Variants in PCDHGA4 observed in about 807,000 individuals in gnomAD.
PCDHGA4 encodes protocadherin gamma-A4.
In PCDHGA4, 38 loss-of-function variants were observed where a neutral mutation model predicts 54.6. The ratio of observed to expected loss-of-function variants is 0.70; its 90% CI spans 0.54 to 0.91. The LOEUF (loss-of-function observed/expected upper bound fraction) is 0.91. Among genes scored for constraint, PCDHGA4 ranks in the 40% least tolerant of loss-of-function variants. The probability of loss-of-function intolerance (pLI) is 0.00; values close to 1 mark genes in which losing one functional copy is unlikely to be tolerated. For missense variants in PCDHGA4, 1,298 were observed against 1,220.9 expected (o/e 1.06, Z -0.94); for synonymous variants, 511 against 512.9 (o/e 1.00, Z 0.05).
chr5:141,421,784 G>C, intron 1 of PCDHGA4: 1 of 1,613,874 alleles, frequency 6.2e-7, no homozygotes, highest in Non-Finnish European at 8.5e-7. Context: ...CTGCGGGGCA[G>C]AACGGATGGG....
At chr5:141,468,748 C>T (rs2099176836) in intron 1 of PCDHGA4, among the ~76,000 whole-genome samples, 1 of 151,866 alleles carries the variant, frequency 6.6e-6, no homozygotes, top group South Asian at 2.1e-4. Context: ...TGCCTGTAGT[C>T]CCAGCTACTC....
In PCDHGA4 at chr5:141,491,049, G is replaced by A. The variant is rs369146505; in HGVS notation, c.2515-3758G>A. Reference sequence around the variant, plus strand: ...TGGATGCTGATGCAGGCCACAATGCGTGGCTCTCCTACTCACTGTTGCCAC... The same window carrying A: ...TGGATGCTGATGCAGGCCACAATGCATGGCTCTCCTACTCACTGTTGCCAC... On this transcript the variant is annotated intron_variant, in intron 1 of 3. Coordinates refer to ENST00000571252, the MANE Select transcript of PCDHGA4 (RefSeq NM_018917.4). This position sits in a 1 kb window ranked among gnomAD's most constrained non-coding sequence, Gnocchi z 6.9. The A allele has an allele frequency of 3.3e-5, 53 of 1,614,116 alleles. No individual in the cohort carries two copies. The African/African-American group carries it at 5.5e-4, about 17-fold the overall frequency.
rs193144866 is a variant in PCDHGA4 at position 141,382,042 on chromosome 5, T to C, written c.2514+24421T>C. ...CGGGGTTTCTCCATGTTGGTCAGGC[T>C]GGTCTCAAGCTCCCGACCTCAGGTG... On this transcript the variant is annotated intron_variant, in intron 1 of 3. Coordinates refer to ENST00000571252, the MANE Select transcript of PCDHGA4 (RefSeq NM_018917.4). 9.8e-3 allele frequency among the ~76,000 whole-genome samples: 1,492 copies of C among 152,104 alleles called. 23 individuals carry two copies. Among genetic ancestry groups the C allele is most frequent in the African/African-American group, 0.034 (1,390 of 41,456 alleles).
chr5:141,426,858 T>G (rs898486771), intron 1 of PCDHGA4: 13 of 456,574 alleles, frequency 2.8e-5, no homozygotes, highest in African/African-American at 8.0e-5. Context: ...CGCTCCAGAA[T>G]TAGTGCTGGA....
At chr5:141,407,708 G>C (rs2094972839) in intron 1 of PCDHGA4, among the ~76,000 whole-genome samples, 1 of 152,106 alleles carries the variant, frequency 6.6e-6, no homozygotes, top group African/African-American at 2.4e-5. Flanking sequence ...TGAAGGTGGG[G>C]TGATGGCTAT....
At chr5:141,437,338 C>T (rs1328789308) in intron 1 of PCDHGA4, among the ~76,000 whole-genome samples, 1 of 152,196 alleles carries the variant, frequency 6.6e-6, no homozygotes, top group Non-Finnish European at 1.5e-5. Flanking sequence ...TGTAGCTTCA[C>T]TGTTTTATAG....
At chr5:141,405,031 C>T (rs760020802) in intron 1 of PCDHGA4, 4 of 1,613,968 alleles carry the variant, frequency 2.5e-6, no homozygotes, top group South Asian at 2.2e-5. Context: ...CCCTCTACCT[C>T]GTTGTGGCTG....
At position 141,357,274 on chromosome 5, in the gene PCDHGA4, T is replaced by C; in HGVS notation, c.2167T>C (p.Tyr723His). 7 of 1,613,774 alleles carry C rather than the reference T, an allele frequency of 4.3e-6. No homozygotes were observed. The highest frequency in any genetic ancestry group is 5.1e-6 in the Non-Finnish European group (6 of 1,179,734). ...ADPDDSGLTLYLVVAVAAVSC... is the reference protein window; with the variant it reads ...ADPDDSGLTLHLVVAVAAVSC... ...CCCAGACGACTCGGGCCTCACACTC[T>C]ATCTCGTGGTGGCAGTGGCCGCTGT... is the stretch of plus-strand genomic sequence containing the variant. Residue 723 changes from tyrosine to histidine, a missense_variant, in exon 1 of 4, where the codon TAT becomes CAT. Transcript: ENST00000571252.
rs1364068033 is a variant in PCDHGA4 at position 141,490,353 on chromosome 5, G to A, written c.2515-4454G>A. 3.1e-6 allele frequency: 5 copies of A among 1,614,090 alleles called. No individual in the cohort carries two copies. The highest frequency in any genetic ancestry group is 4.2e-6 in the Non-Finnish European group (5 of 1,180,046). On this transcript the variant is annotated intron_variant, in intron 1 of 3. Transcript: ENST00000571252. This position sits in a 1 kb window ranked among gnomAD's most constrained non-coding sequence, Gnocchi z 5.4. ...CACCAGTGGGCACAGTAGTGGGGTT[G>A]TTTAATGTGCGAGACCGGGACTCAG...
intron 1 of PCDHGA4, chr5:141,364,232 G>A: frequency 1.4e-6 from 2 of 1,395,048 alleles, no homozygotes; most frequent in Non-Finnish European, 1.9e-6. Context: ...AACGCTCCAC[G>A]CCCATTTTCG....
In PCDHGA4 at chr5:141,398,481, C is replaced by T. The variant is rs377302058; in HGVS notation, c.2514+40860C>T. ...CTGAAAATCCACTGAACTTTTATCACGTGAATGTGGAGATCGAGGACATTA... is the reference window on the plus strand; with the variant it reads ...CTGAAAATCCACTGAACTTTTATCATGTGAATGTGGAGATCGAGGACATTA... On this transcript the variant is annotated intron_variant, in intron 1 of 3. Transcript: ENST00000571252. The T allele has an allele frequency of 6.8e-6, 11 of 1,607,008 alleles. No individual in the cohort carries two copies. In the African/African-American group the frequency reaches 8.1e-5, roughly 12 times the overall value.
chr5:141,373,942 G>A (rs915722802), intron 1 of PCDHGA4: 1 of 734,324 alleles, frequency 1.4e-6, no homozygotes, highest in African/African-American at 1.8e-5. Flanking sequence ...CAGGAAAGCT[G>A]TGCAGAAATT....
At chr5:141,401,599 G>A (rs368569328) in intron 1 of PCDHGA4, among the ~76,000 whole-genome samples, 22 of 152,278 alleles carry the variant, frequency 1.4e-4, no homozygotes, top group African/African-American at 4.8e-4. Context: ...CTTGAAGAAG[G>A]GGAAAAAGAC....
chr5:141,504,380 C>T (rs943816582), intron 2 of PCDHGA4, among the ~76,000 whole-genome samples: 1 of 152,088 alleles, frequency 6.6e-6, no homozygotes, highest in African/African-American at 2.4e-5. Flanking sequence ...GGTGGAGTCG[C>T]TGCCTCACAG....
chr5:141,424,127 A>T (rs901831932), intron 1 of PCDHGA4: 1 of 486,538 alleles, frequency 2.1e-6, no homozygotes, highest in African/African-American at 2.1e-5. Flanking sequence ...GATCCTGTTG[A>T]TTTAATAGCA....
At chr5:141,484,437 T>C (rs2099596528) in intron 1 of PCDHGA4, among the ~76,000 whole-genome samples, 1 of 152,232 alleles carries the variant, frequency 6.6e-6, no homozygotes, top group African/African-American at 2.4e-5. Context: ...ATGTACTGCA[T>C]AAATTTAATT....
At chr5:141,464,263 TAA>T (rs35224477) in intron 1 of PCDHGA4, among the ~76,000 whole-genome samples, 15 of 103,552 alleles carry the variant, frequency 1.4e-4, no homozygotes, top group Admixed American at 3.2e-4. Context: ...AGACTCCGTC[TAA>T]AAAAAAAAAA....
intron 1 of PCDHGA4, chr5:141,388,777 A>C: frequency 6.2e-7 from 1 of 1,613,964 alleles, no homozygotes; most frequent in South Asian, 1.1e-5. Flanking sequence ...AACACCGGGG[A>C]AATTACTGTT....
At chr5:141,371,843 TA>T in intron 1 of PCDHGA4, 1 of 1,613,690 alleles carries the variant, frequency 6.2e-7, no homozygotes, top group Non-Finnish European at 8.5e-7. Flanking sequence ...ACTTGGGACC[TA>T]ATGGCCTTGT....
Sources: gnomAD v4.1 joint callset for allele counts (sites outside exome capture counted in the v4.1 genomes callset) on GRCh38, gnomAD v4.1.1 for gene constraint, Gnocchi (gnomAD v3.1) non-coding constraint, MANE v1.5 for transcripts, NCBI Gene and HGNC (gene_info 2026-07-23, HGNC 2026-07-21) for gene names.